The following ACSL1 variants were observed in gnomAD, a reference collection of about 807,000 sequenced individuals.
ACSL1 encodes long-chain-fatty-acid--CoA ligase 1.
A neutral mutation model predicts 98.4 loss-of-function variants in ACSL1; 41 were observed. The ratio of observed to expected loss-of-function variants is 0.42; its 90% CI spans 0.32 to 0.54. The LOEUF is 0.54. Ranked by LOEUF, ACSL1 falls within the 20% of genes least tolerant of loss-of-function variation. ACSL1 has a pLI of 0.13. For missense variants in ACSL1, 734 were observed against 883.1 expected (o/e 0.83, Z 2.14); for synonymous variants, 316 against 322.7 (o/e 0.98, Z 0.22).
At chr4:184,785,599 G>GC (rs1172953311) in intron 3 of ACSL1, among the ~76,000 whole-genome samples, 256 of 16,460 alleles carry the variant, frequency 0.016, 45 homozygotes, top group Non-Finnish European at 0.038. Flanking sequence ...ATCCTCCTGG[G>GC]CGGGGGCGGG....
At chr4:184,795,364 C>T (rs530891646) in intron 2 of ACSL1, among the ~76,000 whole-genome samples, 16 of 152,292 alleles carry the variant, frequency 1.1e-4, no homozygotes, top group African/African-American at 3.6e-4. Flanking sequence ...TCATCAAACA[C>T]GTTCTCTGTT....
chr4:184,788,594 C>A, intron 3 of ACSL1, 23 bp downstream of exon 3: 1 of 1,585,350 alleles, frequency 6.3e-7, no homozygotes, highest in Non-Finnish European at 8.7e-7. Context: ...GCGGGAGCCA[C>A]GCAAATGCAG....
At chr4:184,797,924 C>A (rs886498663) in intron 2 of ACSL1, among the ~76,000 whole-genome samples, 2 of 152,218 alleles carry the variant, frequency 1.3e-5, no homozygotes, top group Admixed American at 1.3e-4. Context: ...GCGCCACATC[C>A]TCTGTGGCAG....
In ACSL1 at chr4:184,780,401, T is replaced by G; in HGVS notation, c.408A>C (p.Ala136=). The change falls in exon 5 of 21, where the codon GCA becomes GCC. Residue 136 remains alanine, a synonymous_variant. Coordinates refer to ENST00000281455, the MANE Select transcript of ACSL1 (RefSeq NM_001995.5). ...VAELSECIGS[A]LIQKGFKTAP... is the part of the protein sequence containing the mutation. Reference sequence around the variant, plus strand: ...CAGTCTTGAAGCCCTTCTGGATCAGTGCTGAGCCTATGCACTCCGACAATT... The same window carrying G: ...CAGTCTTGAAGCCCTTCTGGATCAGGGCTGAGCCTATGCACTCCGACAATT... The G allele has an allele frequency of 6.2e-7, 1 of 1,613,536 alleles. No individual in the cohort carries two copies. The highest frequency in any genetic ancestry group is 8.5e-7 in the Non-Finnish European group (1 of 1,179,898).
chr4:184,822,573 C>T (rs527280190), intron 1 of ACSL1, among the ~76,000 whole-genome samples: 8 of 151,732 alleles, frequency 5.3e-5, no homozygotes, highest in Non-Finnish European at 7.4e-5. Context: ...CGCTTCACTA[C>T]GAAAAAAATA....
chr4:184,767,214 G>A (rs993020915), intron 12 of ACSL1, among the ~76,000 whole-genome samples: 5 of 151,424 alleles, frequency 3.3e-5, no homozygotes, highest in Admixed American at 1.3e-4. Context: ...CCCTGGAGGT[G>A]GAGGCTGCAG....
At chr4:184,802,917 G>A (rs1189584411) in intron 2 of ACSL1, among the ~76,000 whole-genome samples, 1 of 152,190 alleles carries the variant, frequency 6.6e-6, no homozygotes, top group African/African-American at 2.4e-5. Flanking sequence ...CTAAGCGTCA[G>A]ATGTACCACG....
intron 17 of ACSL1, among the ~76,000 whole-genome samples, chr4:184,761,571 A>G (rs1023402436): frequency 1.3e-5 from 2 of 152,194 alleles, no homozygotes; most frequent in African/African-American, 4.8e-5. Flanking sequence ...CTCTACAGTA[A>G]ATGGTTCTGA....
chr4:184,790,095 G>A (rs371453532), intron 2 of ACSL1, among the ~76,000 whole-genome samples: 2 of 152,100 alleles, frequency 1.3e-5, no homozygotes, highest in East Asian at 1.9e-4. Flanking sequence ...AGAGTAGGGC[G>A]GCAGGCTGAG....
intron 10 of ACSL1, among the ~76,000 whole-genome samples, chr4:184,772,850 A>G (rs1764709538): frequency 6.6e-6 from 1 of 152,226 alleles, no homozygotes; most frequent in Non-Finnish European, 1.5e-5. Context: ...TGTTGCAGTG[A>G]ACTTCATCTG....
chr4:184,757,718 A>G lies in ACSL1; in HGVS notation c.1885-12T>C. On this transcript the variant is annotated splice_polypyrimidine_tract_variant and intron_variant, in intron 19 of 20. Transcript: ENST00000281455. This position sits in a 1 kb window ranked among gnomAD's most constrained non-coding sequence, Gnocchi z 4.5. ...GCTTTTTTGACATCCTAAAAGGGTA[A>G]GAAAAATAAATTACTTCCTCTGTTA... is the stretch of plus-strand genomic sequence containing the variant. 5 of 1,613,424 alleles carry G rather than the reference A, an allele frequency of 3.1e-6. No homozygotes were observed. The highest frequency in any genetic ancestry group is 4.2e-6 in the Non-Finnish European group (5 of 1,179,672).
rs375605765 is a variant in ACSL1 at position 184,794,864 on chromosome 4, T to C, written c.196-6133A>G. ...ACACTTGCTCCTAACCCTCAGAACC[T>C]TTTTTCTTTTCATTCCTAGTCCATC... On this transcript the variant is annotated intron_variant, in intron 2 of 20. Transcript: ENST00000281455. Among the ~76,000 whole-genome samples, 24 of 152,246 alleles carry C rather than the reference T, an allele frequency of 1.6e-4. No homozygotes were observed. The East Asian group carries it at 2.1e-3, about 13-fold the overall frequency.
chr4:184,764,959 G>C, intron 14 of ACSL1, 34 bp from the exon 15 acceptor site: 1 of 1,600,104 alleles, frequency 6.2e-7, no homozygotes, highest in South Asian at 1.1e-5. Context: ...TTATTAAGGA[G>C]AGCACAATCA....
Position 184,771,300 on chromosome 4 carries a change from C to A in ACSL1, c.916-824G>T, listed in dbSNP as rs61056545. Among the ~76,000 whole-genome samples, 872 of 152,150 alleles carry A rather than the reference C, an allele frequency of 5.7e-3. 10 individuals carry two copies. Among genetic ancestry groups the A allele is most frequent in the African/African-American group, 0.02 (836 of 41,498 alleles). ...ATCACTACAGTATCCTAGTACCCAG[C>A]AAGTTCAATTTTACCTTAAGAAATA... On this transcript the variant is annotated intron_variant, in intron 10 of 20. Coordinates refer to ENST00000281455, the MANE Select transcript of ACSL1 (RefSeq NM_001995.5).
chr4:184,789,202 G>A (rs143386905), intron 2 of ACSL1, among the ~76,000 whole-genome samples: 8 of 152,276 alleles, frequency 5.3e-5, no homozygotes, highest in South Asian at 2.1e-4. Context: ...GGGGAACCAC[G>A]GCTAAGTCAG....
rs1042530832 is a variant in ACSL1, at chr4:184,757,162, G to A, written c.2060C>T (p.Ser687Leu). 77 of 1,606,494 alleles carry A rather than the reference G, an allele frequency of 4.8e-5. No homozygotes were observed. The highest frequency in any genetic ancestry group is 6.1e-5 in the Non-Finnish European group (72 of 1,173,764). Residue 687 changes from serine (S) to leucine (L), a missense_variant, in exon 21 of 21, where the codon TCG becomes TTG. Physicochemically the swap from Ser to Leu is moderately radical, Grantham distance 145. Coordinates refer to ENST00000281455, the MANE Select transcript of ACSL1 (RefSeq NM_001995.5). This position sits in a 1 kb window ranked among gnomAD's most constrained non-coding sequence, Gnocchi z 4.5. ...AGTGGAATAGAGGTCATCTATCTGC[G>A]ACCTGAAATAGTTCCGCAGCTCTGG... ...KRPELRNYFR[S>L]QIDDLYSTIK...
chr4:184,763,305 C>T, intron 15 of ACSL1, 50 bp from the exon 16 acceptor site: 1 of 1,538,252 alleles, frequency 6.5e-7, no homozygotes, highest in South Asian at 1.2e-5. Context: ...TACTCATAAC[C>T]TCAGGTCAAA....
In ACSL1 at chr4:184,766,523, C is replaced by A. The variant is rs1233245963; in HGVS notation, c.1263+99G>T. 2 of 1,462,324 alleles carry A rather than the reference C, an allele frequency of 1.4e-6. No individual in the cohort carries two copies. The allele number at this position is 1,462,324 out of a possible 1,614,324, so 90.6% of individuals were successfully genotyped here. The stretch of plus-strand genomic sequence containing the variant: ...ATTAACAAAAACATGTTATTCTCTC[C>A]CTTACCTTCATCTCTCCCTCTCACA... On this transcript the variant is annotated intron_variant, in intron 13 of 20. Transcript: ENST00000281455. This position sits in a 1 kb window ranked among gnomAD's most constrained non-coding sequence, Gnocchi z 4.8.
At chr4:184,790,714 A>G (rs1768199449) in intron 2 of ACSL1, among the ~76,000 whole-genome samples, 1 of 152,228 alleles carries the variant, frequency 6.6e-6, no homozygotes, top group Non-Finnish European at 1.5e-5. Context: ...TCATGAGTCC[A>G]CTTCCAGGGT....
Sources: gnomAD v4.1 joint callset for allele counts (sites outside exome capture counted in the v4.1 genomes callset) on GRCh38, gnomAD v4.1.1 for gene constraint, Gnocchi (gnomAD v3.1) non-coding constraint, MANE v1.5 for transcripts, NCBI Gene and HGNC (gene_info 2026-07-23, HGNC 2026-07-21) for gene names.